Variants in STIM2 observed in about 807,000 individuals in gnomAD.
STIM2 encodes the protein stromal interaction molecule 2.
In STIM2, 31 loss-of-function variants were observed where a neutral mutation model predicts 85.8. The ratio of observed to expected loss-of-function variants is 0.36; its 90% confidence interval spans 0.27 to 0.49. The LOEUF is 0.49. STIM2 is among the 20% of genes least tolerant of loss of function. The pLI is 0.98. For synonymous variants in STIM2, 356 were observed against 331.1 expected (o/e 1.08, Z -0.82); for missense variants, 841 against 927.6 (o/e 0.91, Z 1.21).
At chr4:26,891,958 T>C (rs943115829) in intron 1 of STIM2, among the ~76,000 whole-genome samples, 1 of 152,170 alleles carries the variant, frequency 6.6e-6, no homozygotes, top group Non-Finnish European at 1.5e-5. Context: ...GATTGAATCT[T>C]GGGTGTGGGT....
rs1722171933 is a variant in STIM2, at chr4:26,861,284, C to T, written c.66C>T (p.Leu22=). ...GATGCGAGCTTGTGCCCCGGCACCT[C>T]CGCGGGCGGCGGGCGACTGGCTCTG... The change falls in exon 1 of 12, where the codon CTC becomes CTT. Residue 22 remains leucine (L), a synonymous_variant. Coordinates refer to ENST00000467087, the MANE Select transcript of STIM2 (RefSeq NM_020860.4). The T allele has an allele frequency of 6.9e-6, 10 of 1,457,344 alleles. No individual in the cohort carries two copies. The highest frequency in any genetic ancestry group is 9.0e-6 in the Non-Finnish European group (10 of 1,109,098). 90.3% of individuals were successfully genotyped at this position (1,457,344 alleles called of 1,614,324 possible).
rs145285365 is a variant in STIM2 at position 27,008,475 on chromosome 4, C to T, written c.1197C>T (p.His399=). ...GAAGCACAGTCTTTGGGACTCTGCA[C>T]GTTGCACACAGCTCCTCCCTAGATG... The change falls in exon 9 of 12, where the codon CAC becomes CAT. Residue 399 remains histidine (H), a synonymous_variant. Transcript: ENST00000467087. 103 of 1,604,416 alleles carry T rather than the reference C, an allele frequency of 6.4e-5. No homozygotes were observed. The highest frequency in any genetic ancestry group is 3.3e-4 in the Middle Eastern group (2 of 6,048).
At chr4:26,990,329 A>G (rs1186865734) in intron 3 of STIM2, among the ~76,000 whole-genome samples, 1 of 152,178 alleles carries the variant, frequency 6.6e-6, no homozygotes, top group Non-Finnish European at 1.5e-5. Flanking sequence ...CATTTTCAAC[A>G]AAGGCACCCA....
intron 2 of STIM2, among the ~76,000 whole-genome samples, chr4:26,930,673 C>T (rs1001345595): frequency 1.3e-5 from 2 of 152,036 alleles, no homozygotes; most frequent in Non-Finnish European, 2.9e-5. Context: ...TGTGGAGAGT[C>T]ACTTAAGAAA....
chr4:26,979,339 G>C (rs1192246243), intron 3 of STIM2, among the ~76,000 whole-genome samples: 1 of 152,200 alleles, frequency 6.6e-6, no homozygotes, highest in East Asian at 1.9e-4. Context: ...TTGAGAAAGA[G>C]ATGCTTTCTG....
intron 2 of STIM2, among the ~76,000 whole-genome samples, chr4:26,923,286 C>G (rs935111849): frequency 1.3e-5 from 2 of 151,334 alleles, no homozygotes; most frequent in Non-Finnish European, 2.9e-5. Flanking sequence ...AAAAACAGAA[C>G]AGAAAAACTG....
chr4:26,929,812 G>A (rs1245097024), intron 2 of STIM2, among the ~76,000 whole-genome samples: 1 of 152,052 alleles, frequency 6.6e-6, no homozygotes, highest in African/African-American at 2.4e-5. Flanking sequence ...TGAACATTCA[G>A]GTAGGGCTTG....
chr4:26,866,601 A>T (rs1266458103), intron 1 of STIM2, among the ~76,000 whole-genome samples: 2 of 152,158 alleles, frequency 1.3e-5, no homozygotes, highest in Non-Finnish European at 2.9e-5. Context: ...TATAAGGTAT[A>T]TGTAGAGTAG....
chr4:26,996,982 T>G (rs973929358), intron 4 of STIM2, among the ~76,000 whole-genome samples: 1 of 152,278 alleles, frequency 6.6e-6, no homozygotes, highest in South Asian at 2.1e-4. Flanking sequence ...CATCACACAC[T>G]TGTCAAGATC....
chr4:26,894,678 A>G (rs960597690), intron 1 of STIM2, among the ~76,000 whole-genome samples: 20 of 152,100 alleles, frequency 1.3e-4, no homozygotes, highest in Non-Finnish European at 8.8e-5. Flanking sequence ...TGCTTTGACA[A>G]TACTCACAGT....
intron 1 of STIM2, among the ~76,000 whole-genome samples, chr4:26,882,114 G>A (rs1723034548): frequency 6.6e-6 from 1 of 152,064 alleles, no homozygotes; most frequent in Non-Finnish European, 1.5e-5. Flanking sequence ...TCCCTTTTCT[G>A]TGTTGTTAAA....
intron 7 of STIM2, among the ~76,000 whole-genome samples, chr4:27,005,662 AGT>A (rs1728309128): frequency 6.6e-6 from 1 of 152,204 alleles, no homozygotes; most frequent in South Asian, 2.1e-4. Context: ...AACATTCATG[AGT>A]AATAGCAGAG....
At chr4:26,914,306 T>C (rs1371973493) in intron 1 of STIM2, among the ~76,000 whole-genome samples, 1 of 152,250 alleles carries the variant, frequency 6.6e-6, no homozygotes, top group Non-Finnish European at 1.5e-5. Flanking sequence ...ACAAGGATGC[T>C]CCATATTCAT....
At chr4:26,988,279 G>GT (rs1727651857) in intron 3 of STIM2, among the ~76,000 whole-genome samples, 1 of 152,180 alleles carries the variant, frequency 6.6e-6, no homozygotes, top group Admixed American at 6.5e-5. Flanking sequence ...GCAGATATAA[G>GT]TATAGGTGAC....
At chr4:26,890,560 C>T (rs559888163) in intron 1 of STIM2, among the ~76,000 whole-genome samples, 3 of 152,102 alleles carry the variant, frequency 2.0e-5, no homozygotes, top group African/African-American at 7.2e-5. Flanking sequence ...CTCGGTGGCT[C>T]ACGCCTGTAA....
At chr4:26,933,703 T>C in intron 2 of STIM2, among the ~76,000 whole-genome samples, 1 of 119,936 alleles carries the variant, frequency 8.3e-6, no homozygotes, top group Non-Finnish European at 1.6e-5. Flanking sequence ...AGTTGGAGAC[T>C]AGCCTGGGCA....
intron 1 of STIM2, among the ~76,000 whole-genome samples, chr4:26,919,060 C>T (rs1560207227): frequency 1.3e-5 from 2 of 150,488 alleles, no homozygotes; most frequent in Non-Finnish European, 1.5e-5. Context: ...GTGATATTTT[C>T]TAGGACTCAT....
chr4:26,995,251 G>A, intron 3 of STIM2, 128 bp from the exon 4 acceptor site: 1 of 499,896 alleles, frequency 2.0e-6, no homozygotes, highest in Non-Finnish European at 3.5e-6. Context: ...GCTAGATACA[G>A]TTTTGGTACT....
At chr4:26,869,226 G>C (rs1722515708) in intron 1 of STIM2, among the ~76,000 whole-genome samples, 1 of 150,594 alleles carries the variant, frequency 6.6e-6, no homozygotes, top group Admixed American at 6.6e-5. Flanking sequence ...GAGCCTGGGG[G>C]AAGTTAAGTC....
Sources: allele counts gnomAD v4.1 joint callset (sites outside exome capture counted in the v4.1 genomes callset), GRCh38; gene constraint gnomAD v4.1.1; transcripts MANE v1.5; gene names NCBI Gene and HGNC (gene_info 2026-07-23, HGNC 2026-07-21).